The following ANXA2 variants were observed in gnomAD, a reference collection of about 807,000 sequenced individuals.
ANXA2 encodes annexin A2, also known as annexin II.
Under a neutral mutation model 47.3 loss-of-function variants are expected in ANXA2, and 28 were observed. The ratio of observed to expected loss-of-function variants is 0.59; its 90% confidence interval spans 0.44 to 0.81. The LOEUF (loss-of-function observed/expected upper bound fraction) is 0.81, where lower values mean the gene tolerates loss of function less well. Ranked by LOEUF, ANXA2 falls within the 40% of genes least tolerant of loss-of-function variation. ANXA2 has a pLI of 0.00. For synonymous variants in ANXA2, 172 were observed against 155.5 expected, an observed-to-expected ratio of 1.11 and a Z score of -0.79; for missense variants, 384 against 414.3, an observed-to-expected ratio of 0.93 and a Z score of 0.64.
intron 3 of ANXA2, among the ~76,000 whole-genome samples, chr15:60,378,763 C>T (rs537267231): frequency 6.6e-6 from 1 of 151,884 alleles, no homozygotes; most frequent in Non-Finnish European, 1.5e-5. Flanking sequence ...GCCAGGAGTT[C>T]GAGAGCAGCC....
intron 3 of ANXA2, among the ~76,000 whole-genome samples, chr15:60,381,273 G>T (rs996711410): frequency 1.3e-5 from 2 of 152,152 alleles, no homozygotes; most frequent in Admixed American, 1.3e-4. Context: ...ATGTGACATG[G>T]CTCTTCACCA....
intron 1 of ANXA2, chr15:60,393,248 C>T: frequency 1.9e-6 from 2 of 1,059,074 alleles, no homozygotes; most frequent in Non-Finnish European, 2.3e-6. Context: ...CTTGTTGCAG[C>T]TTCATGCTCT....
At chr15:60,368,647 C>G (rs1486697586) in intron 3 of ANXA2, among the ~76,000 whole-genome samples, 2 of 151,436 alleles carry the variant, frequency 1.3e-5, no homozygotes, top group Non-Finnish European at 1.5e-5. Flanking sequence ...AAGAAAATAC[C>G]TAGAAGTCTC....
chr15:60,392,562 A>G (rs2063027832), intron 1 of ANXA2, among the ~76,000 whole-genome samples: 2 of 152,266 alleles, frequency 1.3e-5, no homozygotes, highest in Non-Finnish European at 2.9e-5. Context: ...AAACAAAAGA[A>G]AACTTAAAAG....
At chr15:60,351,852 G>C (rs775318031) in intron 9 of ANXA2, 33 bp from the exon 10 acceptor site, 3 of 1,440,794 alleles carry the variant, frequency 2.1e-6, no homozygotes, top group Non-Finnish European at 2.9e-6. Context: ...TATCAGATCC[G>C]AGCCACTAGT....
At chr15:60,359,313 A>G (rs2062477983) in intron 5 of ANXA2, among the ~76,000 whole-genome samples, 1 of 152,174 alleles carries the variant, frequency 6.6e-6, no homozygotes, top group Non-Finnish European at 1.5e-5. Flanking sequence ...TCGAATCACA[A>G]CTAAATAGAT....
At position 60,364,527 on chromosome 15, in the gene ANXA2, T is replaced by C. The variant is rs746679926; in HGVS notation, c.149-4A>G. On this transcript the variant is annotated splice_polypyrimidine_tract_variant and splice_region_variant and intron_variant, in intron 3 of 12. Transcript: ENST00000451270. The stretch of plus-strand genomic sequence containing the variant: ...ACAATGGTGACCTCATCCACACCTA[T>C]GGAAATACAAGTTGTTAATCGTTAC... 1.9e-6 allele frequency: 3 copies of C among 1,606,806 alleles called. No individual in the cohort carries two copies. Among genetic ancestry groups the C allele is most frequent in the East Asian group, 2.2e-5 (1 of 44,810 alleles).
intron 1 of ANXA2, chr15:60,395,981 G>A (rs1347955109): frequency 6.6e-6 from 1 of 152,204 alleles, no homozygotes; most frequent in African/African-American, 2.4e-5. Flanking sequence ...CCTGGCCCTT[G>A]CCCATCAAGG....
chr15:60,365,889 C>G (rs1358052449), intron 3 of ANXA2, among the ~76,000 whole-genome samples: 1 of 137,390 alleles, frequency 7.3e-6, no homozygotes, highest in Non-Finnish European at 1.6e-5. Flanking sequence ...CGGTCTCCCT[C>G]TGATGCCGAG....
intron 1 of ANXA2, chr15:60,386,808 T>C (rs911830162): frequency 1.3e-5 from 2 of 152,240 alleles, no homozygotes; most frequent in Non-Finnish European, 2.9e-5. Context: ...GTTCTCGGAA[T>C]TGATACACCC....
rs930028362 is a variant in ANXA2, at chr15:60,347,329, G to T, written c.*301C>A. 1 of 414,702 alleles carries T rather than the reference G, an allele frequency of 2.4e-6. No individual in the cohort carries two copies. The highest frequency in any genetic ancestry group is 2.0e-5 in the African/African-American group (1 of 49,994). 25.7% of individuals were successfully genotyped at this position (414,702 alleles called of 1,614,324 possible). On this transcript the variant is annotated 3_prime_UTR_variant, in exon 13 of 13. Coordinates refer to ENST00000451270, the MANE Select transcript of ANXA2 (RefSeq NM_004039.3). ...AGTTGAAAGCAGGGCCACAAAGTAC[G>T]TGTTTCTAAAGTACAAATTCAGTTT...
intron 4 of ANXA2, among the ~76,000 whole-genome samples, chr15:60,362,148 G>A (rs911011881): frequency 6.6e-6 from 1 of 152,060 alleles, no homozygotes; most frequent in Non-Finnish European, 1.5e-5. Context: ...GGGAACACAC[G>A]GCACTTAGGA....
chr15:60,349,528 C>G (rs1895891821), intron 11 of ANXA2, among the ~76,000 whole-genome samples: 1 of 151,980 alleles, frequency 6.6e-6, no homozygotes, highest in Non-Finnish European at 1.5e-5. Flanking sequence ...ATTACAAAAT[C>G]AAAAATAAAT....
At chr15:60,394,781 CAGA>C (rs976421737) in intron 1 of ANXA2, 1 of 152,054 alleles carries the variant, frequency 6.6e-6, no homozygotes, top group African/African-American at 2.4e-5. Flanking sequence ...TAGAACCACC[CAGA>C]AGGACAAATA....
chr15:60,347,734 G>T (rs1479124773), intron 12 of ANXA2, 45 bp from the exon 13 acceptor site: 3 of 1,543,030 alleles, frequency 1.9e-6, no homozygotes, highest in Admixed American at 1.7e-5. Context: ...TCAGAAAAAA[G>T]CCCAGACTCC....
At chr15:60,380,884 A>T (rs1327416394) in intron 3 of ANXA2, among the ~76,000 whole-genome samples, 1 of 151,404 alleles carries the variant, frequency 6.6e-6, no homozygotes, top group Non-Finnish European at 1.5e-5. Context: ...AGCTGTGCAG[A>T]CAGTCATCTG....
At chr15:60,383,311 T>C (rs992570371) in intron 2 of ANXA2, 5 of 152,344 alleles carry the variant, frequency 3.3e-5, no homozygotes, top group African/African-American at 1.2e-4. Flanking sequence ...ATATTTTTTG[T>C]AGAGACAGGA....
chr15:60,366,398 G>A (rs1200177406), intron 3 of ANXA2, among the ~76,000 whole-genome samples: 3 of 150,584 alleles, frequency 2.0e-5, no homozygotes, highest in African/African-American at 7.3e-5. Flanking sequence ...TCTAGGAAGT[G>A]AGGAGCATCT....
intron 1 of ANXA2, chr15:60,390,428 C>A: frequency 3.9e-6 from 2 of 517,794 alleles, no homozygotes; most frequent in Admixed American, 2.1e-5. Context: ...CAAGCACCAA[C>A]CCCACAAAAC....
Sources: gnomAD v4.1 joint callset for allele counts (sites outside exome capture counted in the v4.1 genomes callset) on GRCh38, gnomAD v4.1.1 for gene constraint, MANE v1.5 for transcripts, NCBI Gene and HGNC (gene_info 2026-07-23, HGNC 2026-07-21) for gene names.